Variants in ANKFY1 observed in about 807,000 individuals in gnomAD.
ANKFY1 encodes ankyrin repeat and FYVE domain containing 1.
A neutral mutation model predicts 128.3 loss-of-function variants in ANKFY1; 47 were observed. The observed-to-expected ratio is 0.37, with a 90% CI of 0.29 to 0.47. The LOEUF is 0.47. Among genes scored for constraint, ANKFY1 ranks in the 20% least tolerant of loss-of-function variants. The probability of loss-of-function intolerance (pLI) is 1.00; values close to 1 mark genes in which losing one functional copy is unlikely to be tolerated. For missense variants in ANKFY1, 1,222 were observed against 1,510.6 expected (o/e 0.81, Z 3.17); for synonymous variants, 553 against 601.6 (o/e 0.92, Z 1.18).
chr17:4,192,334 T>C (rs1406704602), intron 10 of ANKFY1, among the ~76,000 whole-genome samples: 2 of 145,076 alleles, frequency 1.4e-5, no homozygotes, highest in Non-Finnish European at 3.0e-5. Flanking sequence ...TAGTTGATGG[T>C]TGCTCTAATC....
chr17:4,215,367 T>C (rs559188382), intron 4 of ANKFY1, among the ~76,000 whole-genome samples: 1 of 151,998 alleles, frequency 6.6e-6, no homozygotes, highest in South Asian at 2.1e-4. Flanking sequence ...ATTTTCCTGA[T>C]GCTTACTATA....
chr17:4,201,440 G>C (rs1207553024), intron 7 of ANKFY1, among the ~76,000 whole-genome samples: 1 of 151,232 alleles, frequency 6.6e-6, no homozygotes. Flanking sequence ...GGCCTCAGAT[G>C]CTGACTCGCT....
chr17:4,232,295 T>C (rs2060526045), intron 3 of ANKFY1, among the ~76,000 whole-genome samples: 1 of 152,134 alleles, frequency 6.6e-6, no homozygotes, highest in South Asian at 2.1e-4. Context: ...CTTCCAGGTA[T>C]CACATAACAC....
rs1156431364 is a variant in ANKFY1, at chr17:4,182,202, C to T, written c.2100G>A (p.Leu700=). The change falls in exon 15 of 25, where the codon CTG becomes CTA. Residue 700 remains leucine (L), a synonymous_variant. Transcript: ENST00000341657. ...PPLWLALANN[L]EDIASTLVRH... ...TCACCAGAGTGGATGCGATGTCCTC[C>T]AGATTGTTTGCCAATGCAAGCCACA... 6.4e-7 allele frequency: 1 copy of T among 1,564,710 alleles called. No homozygotes were observed.
chr17:4,254,866 T>G (rs954870150), intron 1 of ANKFY1, among the ~76,000 whole-genome samples: 4 of 152,192 alleles, frequency 2.6e-5, no homozygotes, highest in African/African-American at 9.7e-5. Context: ...CATCTCAGAT[T>G]CTAACTATAT....
chr17:4,194,904 G>T, intron 10 of ANKFY1, 74 bp downstream of exon 10: 1 of 1,434,244 alleles, frequency 7.0e-7, no homozygotes, highest in Non-Finnish European at 9.7e-7. Context: ...TAAATTTGGG[G>T]TGAAGGCATT....
intron 1 of ANKFY1, among the ~76,000 whole-genome samples, chr17:4,247,052 G>A (rs1726823080): frequency 6.6e-6 from 1 of 151,836 alleles, no homozygotes; most frequent in Non-Finnish European, 1.5e-5. Context: ...GGACGTAGAG[G>A]TTGTGGTGAG....
intron 2 of ANKFY1, among the ~76,000 whole-genome samples, chr17:4,237,995 G>A (rs941894648): frequency 3.3e-5 from 5 of 151,930 alleles, no homozygotes; most frequent in Admixed American, 3.3e-4. Flanking sequence ...CATAGCCATC[G>A]TTTTTAACTA....
intron 18 of ANKFY1, among the ~76,000 whole-genome samples, chr17:4,177,633 ATCAGGAAAC>A (rs373181955): frequency 1.7e-4 from 26 of 152,374 alleles, no homozygotes; most frequent in African/African-American, 6.3e-4. Flanking sequence ...GCACCAAGAT[ATCAGGAAAC>A]TCATGGAGAG....
Position 4,263,589 on chromosome 17 carries a change from GCTT to G in ANKFY1, c.10+340_10+342del, listed in dbSNP as rs746843549. 2,224 of 1,534,854 alleles carry G rather than the reference GCTT, an allele frequency of 1.4e-3. 4 individuals carry two copies. Among genetic ancestry groups the G allele is most frequent in the Non-Finnish European group, 1.7e-3 (1,901 of 1,146,318 alleles). On this transcript the variant is annotated intron_variant, in intron 1 of 24. Transcript: ENST00000341657. The stretch of plus-strand genomic sequence containing the variant: ...GCAGTTTCGATTTCCTAAGGAGAAG[GCTT>G]ACTTCCCCCGGCGTCCCGGCACCGC...
At chr17:4,228,572 T>C (rs989798771) in intron 3 of ANKFY1, among the ~76,000 whole-genome samples, 7 of 152,100 alleles carry the variant, frequency 4.6e-5, no homozygotes, top group African/African-American at 1.4e-4. Flanking sequence ...TGTGCCACCA[T>C]GCTCGGCTAA....
intron 3 of ANKFY1, chr17:4,223,617 C>T: frequency 1.4e-6 from 2 of 1,441,906 alleles, no homozygotes; most frequent in Non-Finnish European, 2.0e-6. Context: ...GAACTCATGA[C>T]TCTGGGCCAG....
intron 22 of ANKFY1, among the ~76,000 whole-genome samples, chr17:4,171,124 T>C (rs1221464259): frequency 3.3e-5 from 5 of 152,218 alleles, no homozygotes; most frequent in Admixed American, 6.5e-5. Context: ...CACGTAGAGC[T>C]TGGGCTGCAA....
intron 3 of ANKFY1, among the ~76,000 whole-genome samples, chr17:4,225,757 A>G (rs949916147): frequency 1.3e-5 from 2 of 152,058 alleles, no homozygotes; most frequent in Non-Finnish European, 2.9e-5. Flanking sequence ...GTGTGTGTAT[A>G]TATATATTTA....
At chr17:4,204,484 C>G (rs529846591) in intron 7 of ANKFY1, among the ~76,000 whole-genome samples, 3 of 152,316 alleles carry the variant, frequency 2.0e-5, no homozygotes, top group Admixed American at 1.3e-4. Context: ...TTAGCAAAAT[C>G]AAGTTTATTA....
chr17:4,194,268 C>G (rs1046938761), intron 10 of ANKFY1, among the ~76,000 whole-genome samples: 6 of 151,212 alleles, frequency 4.0e-5, no homozygotes, highest in Non-Finnish European at 7.4e-5. Context: ...CCATGCCCAG[C>G]TGATAATTTG....
intron 1 of ANKFY1, among the ~76,000 whole-genome samples, chr17:4,263,429 C>G (rs1968528632): frequency 6.6e-6 from 1 of 152,202 alleles, no homozygotes; most frequent in Admixed American, 6.5e-5. Context: ...CCAGTGCGCC[C>G]GCCTGAAGCG....
rs189614701 is a variant in ANKFY1, at chr17:4,201,931, T to G, written c.899-4354A>C. 1.4e-3 allele frequency among the ~76,000 whole-genome samples: 208 copies of G among 152,254 alleles called. 1 individual carries two copies. Among genetic ancestry groups the G allele is most frequent in the African/African-American group, 4.7e-3 (195 of 41,542 alleles). On this transcript the variant is annotated intron_variant, in intron 7 of 24. Coordinates refer to ENST00000341657, the MANE Select transcript of ANKFY1 (RefSeq NM_001330063.2). ...AAAAATATGTAAAGACAACAATATATTAGCAATACAACTAAATATCCTAGA... is the reference window on the plus strand; with the variant it reads ...AAAAATATGTAAAGACAACAATATAGTAGCAATACAACTAAATATCCTAGA...
chr17:4,177,205 G>C lies in ANKFY1; in HGVS notation c.2696C>G (p.Ser899Ter). 6.2e-7 allele frequency: 1 copy of C among 1,609,476 alleles called. No homozygotes were observed. Among genetic ancestry groups the C allele is most frequent in the Non-Finnish European group, 8.5e-7 (1 of 1,177,652 alleles). Residue 899 changes from serine (S) to a stop codon, truncating the protein, a stop_gained, in exon 19 of 25, where the codon TCA (serine) becomes TGA (stop). Coordinates refer to ENST00000341657, the MANE Select transcript of ANKFY1 (RefSeq NM_001330063.2). LOFTEE classifies it high-confidence loss of function. Reference protein sequence around the residue: ...FLISVHANVNSRVQDASKLTP... With the variant: ...FLISVHANVN ...CAACTTGGAGGCATCCTGGACTCTT[G>C]AATTCACATTAGCGTGGACACTGAT...
Sources: gnomAD v4.1 joint callset for allele counts (sites outside exome capture counted in the v4.1 genomes callset) on GRCh38, gnomAD v4.1.1 for gene constraint, MANE v1.5 for transcripts, NCBI Gene and HGNC (gene_info 2026-07-23, HGNC 2026-07-21) for gene names.